SPART: variants seen among roughly 807,000 people sequenced by gnomAD.
The protein encoded by SPART is spartin.
A neutral mutation model predicts 58.7 loss-of-function variants in SPART; 35 were observed. The ratio of observed to expected loss-of-function variants is 0.60; its 90% CI spans 0.46 to 0.79. The LOEUF is 0.79. Among genes scored for constraint, SPART ranks in the 30% least tolerant of loss-of-function variants. The pLI is 0.00. For synonymous variants in SPART, 284 were observed against 280.7 expected (o/e 1.01, Z -0.12); for missense variants, 730 against 786.1 (o/e 0.93, Z 0.85).
intron 4 of SPART, among the ~76,000 whole-genome samples, chr13:36,328,796 T>TA (rs953648501): frequency 4.7e-5 from 7 of 149,622 alleles, no homozygotes; most frequent in Non-Finnish European, 1.0e-4. Context: ...TGCCCATCCA[T>TA]AAAAAAACAG....
intron 1 of SPART, among the ~76,000 whole-genome samples, chr13:36,356,263 G>T (rs988261113): frequency 2.0e-5 from 3 of 152,148 alleles, no homozygotes; most frequent in African/African-American, 7.2e-5. Context: ...CTGGCTGGTC[G>T]AGGCCGTGCT....
At chr13:36,304,729 C>A (rs1276262939) in intron 8 of SPART, 97 bp from the exon 9 acceptor site, 2 of 1,292,526 alleles carry the variant, frequency 1.5e-6, no homozygotes, top group Non-Finnish European at 2.1e-6. Context: ...TACTGTGTTA[C>A]CCCTGAAAGC....
At chr13:36,343,465 C>T (rs999831092) in intron 1 of SPART, among the ~76,000 whole-genome samples, 5 of 151,944 alleles carry the variant, frequency 3.3e-5, no homozygotes, top group African/African-American at 1.2e-4. Context: ...GAATGATGTA[C>T]CAATATTAAA....
Position 36,331,592 on chromosome 13 carries a change from C to T in SPART, c.815G>A (p.Cys272Tyr), listed in dbSNP as rs188620997. The change falls in exon 3 of 9, where the codon TGT (cysteine) becomes TAT (tyrosine). Residue 272 changes from cysteine (C) to tyrosine (Y), a missense_variant. Cys to Tyr is a radical substitution (Grantham distance 194). Coordinates refer to ENST00000438666, the MANE Select transcript of SPART (RefSeq NM_015087.5). ...AGGAACTAGAGGATATAACCAGTCA[C>T]AAACCTGAAAGGATTCATTAGAAGA... ...LNRPPGFLQVCDWLYPLVPDR... is the reference protein window; with the variant it reads ...LNRPPGFLQVYDWLYPLVPDR... 8 of 1,612,476 alleles carry T rather than the reference C, an allele frequency of 5.0e-6. No homozygotes were observed. In the Admixed American group the frequency reaches 1.3e-4, roughly 27 times the overall value.
chr13:36,368,201 G>A (rs1449518466), intron 1 of SPART: 1 of 464,218 alleles, frequency 2.2e-6, no homozygotes. Context: ...CTTCCAGCAT[G>A]TTAAGCACTA....
chr13:36,343,597 A>C (rs1884777566), intron 1 of SPART, among the ~76,000 whole-genome samples: 1 of 152,212 alleles, frequency 6.6e-6, no homozygotes, highest in Non-Finnish European at 1.5e-5. Context: ...TTGGGGGTTC[A>C]CAAGCAAATT....
In SPART at chr13:36,330,429, T is replaced by TACAC. The variant is rs10547331; in HGVS notation, c.1009-916_1009-913dup. On this transcript the variant is annotated intron_variant, in intron 3 of 8. Coordinates refer to ENST00000438666, the MANE Select transcript of SPART (RefSeq NM_015087.5). ...AACAGGGGCTGATTTTATATTTTCA[T>TACAC]ACACACACACACACACACACACACA... 3.5e-3 allele frequency among the ~76,000 whole-genome samples: 525 copies of TACAC among 150,228 alleles called. 3 individuals carry two copies. Among genetic ancestry groups the TACAC allele is most frequent in the Non-Finnish European group, 4.3e-3 (291 of 67,412 alleles).
chr13:36,358,249 A>G (rs1016952832), intron 1 of SPART, among the ~76,000 whole-genome samples: 2 of 152,070 alleles, frequency 1.3e-5, no homozygotes, highest in Admixed American at 1.3e-4. Flanking sequence ...AATCATATTC[A>G]TTTTATGGTC....
Position 36,312,222 on chromosome 13 carries a change from G to C in SPART, c.1656C>G (p.Val552=), listed in dbSNP as rs1185100438. The change falls in exon 8 of 9, where the codon GTC becomes GTG. Residue 552 remains valine (V), a synonymous_variant. Coordinates refer to ENST00000438666, the MANE Select transcript of SPART (RefSeq NM_015087.5). ...AASSVQGFST[V]WQGLECAAKC... is the part of the protein sequence containing the mutation. ...TAGCTGCACATTCCAATCCTTGCCA[G>C]ACAGTTGAAAATCCTGTAAAAATAA... 3 of 1,613,980 alleles carry C rather than the reference G, an allele frequency of 1.9e-6. No individual in the cohort carries two copies. In the African/African-American group the frequency reaches 4.0e-5, roughly 22 times the overall value.
intron 6 of SPART, among the ~76,000 whole-genome samples, chr13:36,313,218 T>G (rs1365937198): frequency 6.6e-6 from 1 of 152,112 alleles, no homozygotes; most frequent in African/African-American, 2.4e-5. Flanking sequence ...AGCAGTAAAC[T>G]GCTCTCCTTG....
chr13:36,349,397 A>C (rs1250251254), upstream of SPART, among the ~76,000 whole-genome samples: 1 of 152,200 alleles, frequency 6.6e-6, no homozygotes, highest in Non-Finnish European at 1.5e-5. Flanking sequence ...ACTTCTAGGA[A>C]TATTCGTACT....
chr13:36,343,647 T>C (rs946199251), intron 1 of SPART, among the ~76,000 whole-genome samples: 2 of 152,112 alleles, frequency 1.3e-5, no homozygotes, highest in African/African-American at 2.4e-5. Flanking sequence ...CTATAATATA[T>C]AGCAAAGATA....
At chr13:36,347,042 TACA>T (rs1424906843), upstream of SPART, among the ~76,000 whole-genome samples, 1 of 152,022 alleles carries the variant, frequency 6.6e-6, no homozygotes, top group East Asian at 1.9e-4. Flanking sequence ...GATTCCGGGA[TACA>T]AAGAGTAAAA....
rs1880004685 is a variant in SPART, at chr13:36,301,706, C to A, written c.*2659G>T. ...AAAAACATTGCAAAGGGAAGTAATA[C>A]TCAAGAGAATATCATCATTTTGGAA... On this transcript the variant is annotated 3_prime_UTR_variant, in exon 9 of 9. Transcript: ENST00000438666. 6.6e-6 allele frequency: 1 copy of A among 152,112 alleles called. No individual in the cohort carries two copies. The allele number at this position is 152,112 out of a possible 1,614,324, so 9.4% of individuals were successfully genotyped here.
At chr13:36,342,447 A>T (rs1308198280) in intron 1 of SPART, among the ~76,000 whole-genome samples, 1 of 152,214 alleles carries the variant, frequency 6.6e-6, no homozygotes, top group African/African-American at 2.4e-5. Context: ...TAACAAAAAA[A>T]GTTTACTGAC....
In SPART at chr13:36,302,399, ACT is replaced by A. The variant is rs1413641179; in HGVS notation, c.*1964_*1965del. 1 of 152,078 alleles carries A rather than the reference ACT, an allele frequency of 6.6e-6. No individual in the cohort carries two copies. The highest frequency in any genetic ancestry group is 2.4e-5 in the African/African-American group (1 of 41,402). The allele number at this position is 152,078 out of a possible 1,614,324, so 9.4% of individuals were successfully genotyped here. ...AATAAGTTAGGCTTGTGGACCATAT[ACT>A]CTCTGATGCAACTATTCAACTCTCA... is the stretch of plus-strand genomic sequence containing the variant. On this transcript the variant is annotated 3_prime_UTR_variant, in exon 9 of 9. Coordinates refer to ENST00000438666, the MANE Select transcript of SPART (RefSeq NM_015087.5).
chr13:36,349,358 T>G (rs984719590), upstream of SPART, among the ~76,000 whole-genome samples: 11 of 152,222 alleles, frequency 7.2e-5, no homozygotes, highest in African/African-American at 2.7e-4. Flanking sequence ...TATGGTTAAG[T>G]TACTGCTAGC....
intron 4 of SPART, among the ~76,000 whole-genome samples, chr13:36,328,666 A>G (rs895844097): frequency 6.6e-6 from 1 of 152,252 alleles, no homozygotes; most frequent in Non-Finnish European, 1.5e-5. Flanking sequence ...CTAGCTCTCA[A>G]TAAATATTTC....
intron 1 of SPART, among the ~76,000 whole-genome samples, chr13:36,343,971 G>A (rs796760185): frequency 2.0e-5 from 3 of 150,856 alleles, no homozygotes; most frequent in Non-Finnish European, 2.9e-5. Flanking sequence ...CAAGGTTGCA[G>A]TGAGCTATGA....
Sources: gnomAD v4.1 joint callset for allele counts (sites outside exome capture counted in the v4.1 genomes callset) on GRCh38, gnomAD v4.1.1 for gene constraint, MANE v1.5 for transcripts, NCBI Gene and HGNC (gene_info 2026-07-23, HGNC 2026-07-21) for gene names.